Variants in PPFIA3 observed in about 807,000 individuals in gnomAD.
PPFIA3 encodes the protein PPFI scaffold protein A3.
A neutral mutation model predicts 145.8 loss-of-function variants in PPFIA3; 26 were observed. The ratio of observed to expected loss-of-function variants is 0.18; its 90% CI spans 0.13 to 0.25. PPFIA3 has a LOEUF of 0.25. Among genes scored for constraint, PPFIA3 ranks in the 10% least tolerant of loss-of-function variants. The pLI is 1.00. For missense variants in PPFIA3, 1,008 were observed against 1,587.8 expected (o/e 0.63, Z 6.21); for synonymous variants, 645 against 661.4 (o/e 0.98, Z 0.38).
chr19:49,150,983 A>C lies in PPFIA3; in HGVS notation c.*761A>C, dbSNP rs1333345299. 2.8e-5 allele frequency: 7 copies of C among 250,188 alleles called. No individual in the cohort carries two copies. In the East Asian group the frequency reaches 4.8e-4, roughly 17 times the overall value. The allele number at this position is 250,188 out of a possible 1,614,324, so 15.5% of individuals were successfully genotyped here. ...GACTCTCGGTCGGCCTCCCCGCCCC[A>C]GGCGTCACTCAGTGATCACGGGTAA... On this transcript the variant is annotated 3_prime_UTR_variant, in exon 30 of 30. Coordinates refer to ENST00000334186, the MANE Select transcript of PPFIA3 (RefSeq NM_003660.4).
chr19:49,143,122 C>G, intron 21 of PPFIA3, 118 bp downstream of exon 21: 4 of 1,181,174 alleles, frequency 3.4e-6, no homozygotes, highest in Middle Eastern at 4.7e-4. Context: ...TTCTCATTGG[C>G]TTTTACCCCC....
chr19:49,146,810 A>G (rs1000973609), intron 23 of PPFIA3, among the ~76,000 whole-genome samples: 14 of 152,126 alleles, frequency 9.2e-5, no homozygotes, highest in African/African-American at 3.4e-4. Flanking sequence ...AGCGTATGTA[A>G]TCCCAGCTAC....
chr19:49,149,495 G>A lies in PPFIA3; in HGVS notation c.3355-52G>A. On this transcript the variant is annotated intron_variant, in intron 27 of 29. Coordinates refer to ENST00000334186, the MANE Select transcript of PPFIA3 (RefSeq NM_003660.4). This position sits in a 1 kb window ranked among gnomAD's most constrained non-coding sequence, Gnocchi z 5.7. ...GAGGGGTGGAGTCAAAGGAAGGGGCGGAGTCAGACAAGGCAGGAGTCCCTC... is the reference window on the plus strand; with the variant it reads ...GAGGGGTGGAGTCAAAGGAAGGGGCAGAGTCAGACAAGGCAGGAGTCCCTC... 1.2e-6 allele frequency: 2 copies of A among 1,608,970 alleles called. No homozygotes were observed. Among genetic ancestry groups the A allele is most frequent in the South Asian group, 2.2e-5 (2 of 90,710 alleles).
At chr19:49,124,208 G>A (rs541145254) in intron 1 of PPFIA3, among the ~76,000 whole-genome samples, 1 of 151,948 alleles carries the variant, frequency 6.6e-6, no homozygotes, top group South Asian at 2.1e-4. Context: ...TTGAGACCAG[G>A]TTATGAGACT....
At chr19:49,143,093 C>A in intron 21 of PPFIA3, 89 bp downstream of exon 21, 1 of 1,394,426 alleles carries the variant, frequency 7.2e-7, no homozygotes, top group Non-Finnish European at 9.8e-7. Context: ...CTGCTCACTC[C>A]CCTGTCCCAC....
chr19:49,149,228 C>T lies in PPFIA3; in HGVS notation c.3286-29C>T, dbSNP rs1443675518. The stretch of plus-strand genomic sequence containing the variant: ...TCCCCACCTCGCAGACTGCACGCTC[C>T]AACCGCCCCCTCCACCTCCTCTTTC... On this transcript the variant is annotated intron_variant, in intron 26 of 29. Transcript: ENST00000334186. This position sits in a 1 kb window ranked among gnomAD's most constrained non-coding sequence, Gnocchi z 5.7. 1.9e-6 allele frequency: 3 copies of T among 1,614,004 alleles called. No homozygotes were observed. Among genetic ancestry groups the T allele is most frequent in the African/African-American group, 1.3e-5 (1 of 74,936 alleles).
rs2041019879 is a variant in PPFIA3, at chr19:49,127,720, CCTG to C, written c.-15-138_-15-136del. On this transcript the variant is annotated intron_variant, in intron 1 of 29. Transcript: ENST00000334186. ...GTTTCCCTGTGTCATGATCACAGTG[CCTG>C]GGCCTCAGTTTCTTCTGTGCAGTGC... 3.1e-6 allele frequency: 3 copies of C among 982,730 alleles called. No individual in the cohort carries two copies. In the African/African-American group the frequency reaches 5.2e-5, roughly 17 times the overall value. 60.9% of individuals were successfully genotyped at this position (982,730 alleles called of 1,614,324 possible).
chr19:49,136,054 C>G (rs2041133749), intron 14 of PPFIA3, 131 bp downstream of exon 14: 2 of 1,088,000 alleles, frequency 1.8e-6, no homozygotes, highest in Non-Finnish European at 2.4e-6. Context: ...CATCCACTCA[C>G]CCTTTCTTCT....
rs2041240621 is a variant in PPFIA3 at position 49,142,896 on chromosome 19, C to A, written c.2637C>A (p.Ile879=). 6.2e-7 allele frequency: 1 copy of A among 1,613,856 alleles called. No individual in the cohort carries two copies. The highest frequency in any genetic ancestry group is 1.3e-5 in the African/African-American group (1 of 74,906). The change falls in exon 21 of 30, where the codon ATC becomes ATA. Residue 879 remains isoleucine (I), a synonymous_variant. Transcript: ENST00000334186. ...TGGCCAACCTGTCAGACACGGAGAT[C>A]CAGCGCGAGATCGGCATCAGCAACC... ...AIMANLSDTE[I]QREIGISNPL...
chr19:49,139,003 T>C (rs115945427), intron 16 of PPFIA3, among the ~76,000 whole-genome samples: 99 of 151,764 alleles, frequency 6.5e-4, no homozygotes, highest in African/African-American at 1.5e-3. Context: ...ACAACATGCA[T>C]TGGAGAACTA....
chr19:49,147,069 G>A (rs1371588750), intron 23 of PPFIA3, among the ~76,000 whole-genome samples: 2 of 152,178 alleles, frequency 1.3e-5, no homozygotes, highest in Non-Finnish European at 2.9e-5. Flanking sequence ...GATGCTGAAA[G>A]GAGTGAGGGA....
rs2041201245 is a variant in PPFIA3, at chr19:49,140,172, G to T, written c.2368+84G>T. On this transcript the variant is annotated intron_variant, in intron 18 of 29. Transcript: ENST00000334186. The stretch of plus-strand genomic sequence containing the variant: ...TTCTTTCTTCTTTGTATGTTCATTT[G>T]ACATCCATTCATGTCTTCATTCATT... 2.7e-6 allele frequency: 4 copies of T among 1,463,030 alleles called. No individual in the cohort carries two copies. The South Asian group carries it at 4.9e-5, about 18-fold the overall frequency. 90.6% of individuals were successfully genotyped at this position (1,463,030 alleles called of 1,614,324 possible).
intron 24 of PPFIA3, 179 bp from the exon 25 acceptor site, chr19:49,148,487 C>A: frequency 5.5e-6 from 4 of 722,298 alleles, no homozygotes; most frequent in South Asian, 3.8e-5. Context: ...TCCAGGCTGG[C>A]CAGTAGGAAG....
At chr19:49,138,131 C>T in intron 15 of PPFIA3, 74 bp from the exon 16 acceptor site, 1 of 1,453,798 alleles carries the variant, frequency 6.9e-7, no homozygotes, top group Non-Finnish European at 9.1e-7. Context: ...CTTTCTGGCC[C>T]ATTGTGCTCC....
At chr19:49,129,357 T>G (rs1041272853) in intron 4 of PPFIA3, 23 bp from the exon 5 acceptor site, 7 of 1,548,582 alleles carry the variant, frequency 4.5e-6, no homozygotes, top group Middle Eastern at 2.2e-4. Flanking sequence ...TCCAGCTGAC[T>G]GTTGCCCTGC....
At chr19:49,141,621 GGTGT>G (rs952657978) in intron 19 of PPFIA3, 108 bp downstream of exon 19, 9 of 741,376 alleles carry the variant, frequency 1.2e-5, no homozygotes, top group Admixed American at 1.2e-4. Flanking sequence ...TGTGTGAGAG[GGTGT>G]GTGAGTGTGT....
intron 13 of PPFIA3, 111 bp from the exon 14 acceptor site, chr19:49,135,667 GC>G (rs1426499532): frequency 5.0e-6 from 6 of 1,188,922 alleles, no homozygotes; most frequent in African/African-American, 1.6e-5. Context: ...ACCAGGCCTG[GC>G]CCCTTGACCT....
intron 7 of PPFIA3, among the ~76,000 whole-genome samples, chr19:49,131,352 T>C (rs1315819973): frequency 1.4e-5 from 2 of 147,360 alleles, no homozygotes; most frequent in African/African-American, 2.5e-5. Flanking sequence ...TTTTTTTTTT[T>C]TTTTGTATCT....
At chr19:49,143,273 GCTTT>G (rs1362633374) in intron 21 of PPFIA3, among the ~76,000 whole-genome samples, 4 of 152,208 alleles carry the variant, frequency 2.6e-5, no homozygotes, top group Non-Finnish European at 5.9e-5. Flanking sequence ...CCTCTAAGAA[GCTTT>G]CTTTGTCAGC....
Sources: allele counts gnomAD v4.1 joint callset (sites outside exome capture counted in the v4.1 genomes callset), GRCh38; gene constraint gnomAD v4.1.1; non-coding constraint Gnocchi (gnomAD v3.1); transcripts MANE v1.5; gene names NCBI Gene and HGNC (gene_info 2026-07-23, HGNC 2026-07-21).